The following FAM118B variants were observed in gnomAD, a reference collection of about 807,000 sequenced individuals.
The protein encoded by FAM118B is protein FAM118B.
Under a neutral mutation model 38.5 loss-of-function variants are expected in FAM118B, and 24 were observed. The ratio of observed to expected loss-of-function variants is 0.62; its 90% confidence interval spans 0.45 to 0.88. The LOEUF (loss-of-function observed/expected upper bound fraction) is 0.88, where lower values mean the gene tolerates loss of function less well. FAM118B is among the 40% of genes least tolerant of loss of function. The probability of loss-of-function intolerance (pLI) is 0.00; values close to 1 mark genes in which losing one functional copy is unlikely to be tolerated. For missense variants in FAM118B, 334 were observed against 420.0 expected (o/e 0.80, Z 1.79); for synonymous variants, 138 against 156.3 (o/e 0.88, Z 0.87).
At chr11:126,240,656 A>G in intron 3 of FAM118B, 136 bp from the exon 4 acceptor site, 1 of 811,380 alleles carries the variant, frequency 1.2e-6, no homozygotes, top group East Asian at 2.5e-5. Context: ...TGCTTTGGAA[A>G]GGTGTCAAAA....
At chr11:126,226,655 G>T (rs1950146135) in intron 1 of FAM118B, among the ~76,000 whole-genome samples, 1 of 152,156 alleles carries the variant, frequency 6.6e-6, no homozygotes, top group African/African-American at 2.4e-5. Context: ...TTGGCCTCCA[G>T]TTCTGTTGCC....
rs1487637208 is a variant in FAM118B at position 126,256,791 on chromosome 11, T to C, written c.921T>C (p.Tyr307=). Residue 307 remains tyrosine (Y), a synonymous_variant, in exon 7 of 9, where the codon TAT becomes TAC. Coordinates refer to ENST00000533050, the MANE Select transcript of FAM118B (RefSeq NM_024556.4). The surrounding 1 kb of genome is among the most constrained non-coding windows in gnomAD (Gnocchi z 6.6). ...GIKVISYGDD[Y]ADLPEYFKRL... ...AAGTCATCTCCTATGGAGATGACTA[T>C]GCCGATCTTCCAGAATATTTCAAGC... The C allele has an allele frequency of 1.9e-6, 3 of 1,614,014 alleles. No homozygotes were observed. The highest frequency in any genetic ancestry group is 1.7e-5 in the Admixed American group (1 of 59,988).
chr11:126,241,153 T>G (rs138037012), intron 4 of FAM118B, 109 bp downstream of exon 4: 1 of 1,169,068 alleles, frequency 8.6e-7, no homozygotes, highest in African/African-American at 1.5e-5. Context: ...ACAGGGATAT[T>G]CATTTACAGC....
intron 1 of FAM118B, among the ~76,000 whole-genome samples, chr11:126,227,149 G>A (rs898849042): frequency 5.2e-5 from 7 of 134,360 alleles, no homozygotes; most frequent in African/African-American, 1.7e-4. Flanking sequence ...TGCAACCTCC[G>A]CCTCCCGGGT....
rs777929755 is a variant in FAM118B, at chr11:126,254,446, G to C, written c.696+13G>C. The C allele has an allele frequency of 6.2e-7, 1 of 1,613,662 alleles. No individual in the cohort carries two copies. The highest frequency in any genetic ancestry group is 1.7e-5 in the Admixed American group (1 of 59,892). ...CACTGAAGTCATGGTGAGTGGGGCT[G>C]ATCTTGCTGGTCTCAGGAACTCCTT... On this transcript the variant is annotated intron_variant, in intron 6 of 8. Coordinates refer to ENST00000533050, the MANE Select transcript of FAM118B (RefSeq NM_024556.4).
rs767340282 is a variant in FAM118B at position 126,261,375 on chromosome 11, A to G, written c.983-50A>G. 5 of 1,508,824 alleles carry G rather than the reference A, an allele frequency of 3.3e-6. No individual in the cohort carries two copies. The Admixed American group carries it at 8.5e-5, about 26-fold the overall frequency. The allele number at this position is 1,508,824 out of a possible 1,614,324, so 93.5% of individuals were successfully genotyped here. A position where few individuals can be genotyped will look rare whatever the true frequency, so the allele number is the denominator to read the frequency against. On this transcript the variant is annotated intron_variant, in intron 7 of 8. Coordinates refer to ENST00000533050, the MANE Select transcript of FAM118B (RefSeq NM_024556.4). The stretch of plus-strand genomic sequence containing the variant: ...CCCTTTAGTTTTCTTTTTGCTATTA[A>G]TAGTTTTAGCTTTTCAGTCTAATGT...
In FAM118B at chr11:126,253,748, C is replaced by T. The variant is rs1950537208; in HGVS notation, c.568-557C>T. On this transcript the variant is annotated intron_variant, in intron 5 of 8. Transcript: ENST00000533050. This position sits in a 1 kb window ranked among gnomAD's most constrained non-coding sequence, Gnocchi z 5.1. ...ACCATACTTCCCTGCAAGCAATTGG[C>T]CAGGCCATATATGTCCCAGCAGGCT... is the stretch of plus-strand genomic sequence containing the variant. Among the ~76,000 whole-genome samples, 1 of 152,174 alleles carries T rather than the reference C, an allele frequency of 6.6e-6. No individual in the cohort carries two copies. Among genetic ancestry groups the T allele is most frequent in the African/African-American group, 2.4e-5 (1 of 41,438 alleles).
intron 4 of FAM118B, among the ~76,000 whole-genome samples, chr11:126,241,561 TA>T (rs953265472): frequency 1.7e-4 from 25 of 151,322 alleles, no homozygotes; most frequent in Non-Finnish European, 1.9e-4. Context: ...TTTATTTATT[TA>T]TTTTTTGATG....
chr11:126,249,523 G>T (rs910317367), intron 4 of FAM118B, among the ~76,000 whole-genome samples: 1 of 152,036 alleles, frequency 6.6e-6, no homozygotes. Flanking sequence ...ACAAGGTCAG[G>T]AGTTCAAGAC....
intron 1 of FAM118B, among the ~76,000 whole-genome samples, chr11:126,226,813 T>A (rs1950147989): frequency 6.6e-6 from 1 of 151,830 alleles, no homozygotes; most frequent in South Asian, 2.1e-4. Flanking sequence ...AAACCCCGTG[T>A]CTACAAAAAA....
intron 1 of FAM118B, among the ~76,000 whole-genome samples, chr11:126,221,773 G>A (rs550899265): frequency 2.0e-5 from 3 of 152,232 alleles, no homozygotes; most frequent in African/African-American, 7.2e-5. Context: ...CACTAGAGGG[G>A]AGGGAGGAAA....
At chr11:126,261,401 C>T in intron 7 of FAM118B, 24 bp from the exon 8 acceptor site, 1 of 1,608,902 alleles carries the variant, frequency 6.2e-7, no homozygotes. Flanking sequence ...AGTCTAATGT[C>T]TGATGCTGAT....
intron 1 of FAM118B, among the ~76,000 whole-genome samples, chr11:126,213,208 A>G (rs887281370): frequency 1.3e-5 from 2 of 152,176 alleles, no homozygotes; most frequent in South Asian, 2.1e-4. Flanking sequence ...TCATAAATGT[A>G]TGCTAGGTGT....
At chr11:126,241,604 C>T (rs1331547932) in intron 4 of FAM118B, among the ~76,000 whole-genome samples, 1 of 151,726 alleles carries the variant, frequency 6.6e-6, no homozygotes, top group South Asian at 2.1e-4. Context: ...GGCTGAAGTT[C>T]AGTGGTTCGA....
At chr11:126,217,871 AT>A (rs1950001221) in intron 1 of FAM118B, among the ~76,000 whole-genome samples, 1 of 152,260 alleles carries the variant, frequency 6.6e-6, no homozygotes, top group Admixed American at 6.5e-5. Context: ...TGTTGAAGGC[AT>A]CTGTAATTGC....
chr11:126,225,388 G>A (rs943258092), intron 1 of FAM118B, among the ~76,000 whole-genome samples: 5 of 152,206 alleles, frequency 3.3e-5, no homozygotes, highest in African/African-American at 1.2e-4. Flanking sequence ...TATTGCCCAA[G>A]TTGTGTGTAC....
In FAM118B at chr11:126,262,650, G is replaced by A. The variant is rs1407337926; in HGVS notation, c.*517G>A. 6.5e-6 allele frequency: 1 copy of A among 152,960 alleles called. No individual in the cohort carries two copies. Among genetic ancestry groups the A allele is most frequent in the East Asian group, 1.9e-4 (1 of 5,216 alleles). The allele number at this position is 152,960 out of a possible 1,614,324, so 9.5% of individuals were successfully genotyped here. On this transcript the variant is annotated 3_prime_UTR_variant, in exon 9 of 9. Transcript: ENST00000533050. Reference sequence around the variant, plus strand: ...GTATTAAAAGCTTGTTCATTTACTTGCCAGGACCCTGGCTCTACTTTTAGA... The same window carrying A: ...GTATTAAAAGCTTGTTCATTTACTTACCAGGACCCTGGCTCTACTTTTAGA...
chr11:126,259,475 G>A (rs944012266), intron 7 of FAM118B, among the ~76,000 whole-genome samples: 2 of 148,990 alleles, frequency 1.3e-5, no homozygotes, highest in African/African-American at 4.9e-5. Flanking sequence ...CGCCAGGCTG[G>A]AGTGCAGTGG....
Position 126,235,023 on chromosome 11 carries a change from G to C in FAM118B, c.22G>C (p.Ala8Pro). The stretch of plus-strand genomic sequence containing the variant: ...CTGGATGGCTTCTACAGGGAGCCAG[G>C]CCTCTGATATAGACGAGATTTTTGG... The part of the protein sequence containing the change: MASTGSQ[A>P]SDIDEIFGFF... Residue 8 changes from alanine (A) to proline (P), a missense_variant, in exon 3 of 9, where the codon GCC becomes CCC. By Grantham distance (27) the Ala-to-Pro change is conservative. Coordinates refer to ENST00000533050, the MANE Select transcript of FAM118B (RefSeq NM_024556.4). The C allele has an allele frequency of 6.2e-7, 1 of 1,614,082 alleles. No individual in the cohort carries two copies. Among genetic ancestry groups the C allele is most frequent in the South Asian group, 1.1e-5 (1 of 91,072 alleles).
Sources: allele counts gnomAD v4.1 joint callset (sites outside exome capture counted in the v4.1 genomes callset), GRCh38; gene constraint gnomAD v4.1.1; non-coding constraint Gnocchi (gnomAD v3.1); transcripts MANE v1.5; gene names NCBI Gene and HGNC (gene_info 2026-07-23, HGNC 2026-07-21).